The following SNAP91 variants were observed in gnomAD, a reference collection of about 807,000 sequenced individuals.
SNAP91 encodes clathrin coat assembly protein AP180.
In SNAP91, 27 loss-of-function variants were observed where a neutral mutation model predicts 100.3. The observed-to-expected ratio is 0.27, with a 90% CI of 0.20 to 0.37. The LOEUF (loss-of-function observed/expected upper bound fraction) is 0.37, where lower values mean the gene tolerates loss of function less well. Among genes scored for constraint, SNAP91 ranks in the 10% least tolerant of loss-of-function variants. The pLI, the probability that SNAP91 is intolerant of heterozygous loss-of-function variation, is 1.00. For missense variants in SNAP91, 986 were observed against 1,123.7 expected, an observed-to-expected ratio of 0.88 and a Z score of 1.75; for synonymous variants, 404 against 398.6, an observed-to-expected ratio of 1.01 and a Z score of -0.16.
intron 3 of SNAP91, among the ~76,000 whole-genome samples, 196 bp downstream of exon 3, chr6:83,665,243 A>T (rs1199492828): frequency 6.6e-6 from 1 of 151,966 alleles, no homozygotes; most frequent in African/African-American, 2.4e-5. Flanking sequence ...TCTCTAAGAC[A>T]ATGTCTAACT....
At chr6:83,699,900 C>CT (rs1435048366) in intron 2 of SNAP91, among the ~76,000 whole-genome samples, 1 of 152,082 alleles carries the variant, frequency 6.6e-6, no homozygotes, top group Non-Finnish European at 1.5e-5. Context: ...ATTCTAGAAT[C>CT]TTATATACAG....
At chr6:83,656,974 A>C (rs758889824) in intron 6 of SNAP91, 109 bp from the exon 7 acceptor site, 7 of 595,236 alleles carry the variant, frequency 1.2e-5, no homozygotes, top group African/African-American at 1.9e-5. Flanking sequence ...TGAATATTCT[A>C]CAAACATTGG....
chr6:83,590,767 T>A (rs1162036201), intron 22 of SNAP91, among the ~76,000 whole-genome samples: 1 of 152,036 alleles, frequency 6.6e-6, no homozygotes, highest in South Asian at 2.1e-4. Context: ...TTTAAATAAT[T>A]TAAAGGAAAC....
intron 24 of SNAP91, among the ~76,000 whole-genome samples, chr6:83,577,647 G>C (rs1039342660): frequency 1.3e-5 from 2 of 152,156 alleles, no homozygotes; most frequent in East Asian, 3.9e-4. Context: ...AAAGGGAAGA[G>C]AGGAAACTGT....
intron 26 of SNAP91, among the ~76,000 whole-genome samples, chr6:83,574,730 T>C (rs80317016): frequency 0.011 from 1,707 of 152,308 alleles, 31 homozygotes; most frequent in African/African-American, 0.038. Flanking sequence ...TATAAAGTCA[T>C]TGGAATCTGC....
intron 8 of SNAP91, among the ~76,000 whole-genome samples, chr6:83,628,245 A>G (rs1302635991): frequency 1.4e-5 from 2 of 138,072 alleles, no homozygotes; most frequent in Non-Finnish European, 3.2e-5. Flanking sequence ...ATATATATAT[A>G]TCACAGTTTA....
intron 2 of SNAP91, among the ~76,000 whole-genome samples, chr6:83,687,849 A>G (rs1764327887): frequency 6.6e-6 from 1 of 152,168 alleles, no homozygotes; most frequent in Non-Finnish European, 1.5e-5. Context: ...TGACTGAAGG[A>G]AATGGGGGTA....
At chr6:83,656,311 A>C (rs2098403496) in intron 7 of SNAP91, among the ~76,000 whole-genome samples, 1 of 152,186 alleles carries the variant, frequency 6.6e-6, no homozygotes, top group Non-Finnish European at 1.5e-5. Context: ...AGAGAACTCT[A>C]TAGGAAGTGG....
At chr6:83,558,139 T>C (rs1781552283) in intron 28 of SNAP91, among the ~76,000 whole-genome samples, 3 of 152,238 alleles carry the variant, frequency 2.0e-5, no homozygotes, top group African/African-American at 7.2e-5. Flanking sequence ...CTGCCTTAAG[T>C]AATAAAATTA....
In SNAP91 at chr6:83,580,524, G is replaced by A. The variant is rs1582128113; in HGVS notation, c.2225C>T (p.Pro742Leu). ...GCTGGCTGCCATTGCAGGACTGGGT[G>A]GTACCATTGAGACAGGTGCAGGCTG... is the stretch of plus-strand genomic sequence containing the variant. ...AGQPAPVSMV[P>L]PSPAMAASKA... Residue 742 changes from proline to leucine, a missense_variant, in exon 24 of 30, where the codon CCA (proline) becomes CTA (leucine). By Grantham distance (98) the Pro-to-Leu change is moderately conservative (BLOSUM62 -3). This residue lies in a region of SNAP91 where 575 missense variants were observed against 579.9 expected (regional missense o/e 0.99). Transcript: ENST00000369694. The A allele has an allele frequency of 3.1e-6, 5 of 1,613,804 alleles. No homozygotes were observed. In the East Asian group the frequency reaches 6.7e-5, roughly 22 times the overall value.
At chr6:83,599,948 C>T (rs939413604) in intron 16 of SNAP91, among the ~76,000 whole-genome samples, 5 of 152,198 alleles carry the variant, frequency 3.3e-5, no homozygotes, top group Admixed American at 3.3e-4. Context: ...CCACAACTGG[C>T]TAGCTTTTAA....
intron 2 of SNAP91, among the ~76,000 whole-genome samples, chr6:83,706,510 G>A (rs1040937137): frequency 1.3e-5 from 2 of 152,178 alleles, no homozygotes; most frequent in Non-Finnish European, 2.9e-5. Context: ...TTTCCCCTCC[G>A]ATGAGCTTCT....
intron 14 of SNAP91, among the ~76,000 whole-genome samples, chr6:83,602,750 A>G (rs545036560): frequency 1.3e-5 from 2 of 152,210 alleles, no homozygotes; most frequent in African/African-American, 4.8e-5. Flanking sequence ...GCAGTTGTAG[A>G]TGTTTTGTTG....
intron 2 of SNAP91, among the ~76,000 whole-genome samples, chr6:83,702,368 A>G (rs1329514199): frequency 6.6e-6 from 1 of 152,176 alleles, no homozygotes; most frequent in African/African-American, 2.4e-5. Context: ...GCATCAGTCA[A>G]TTGAAGGGAG....
At chr6:83,680,013 T>C (rs2098965159) in intron 2 of SNAP91, among the ~76,000 whole-genome samples, 1 of 152,124 alleles carries the variant, frequency 6.6e-6, no homozygotes, top group African/African-American at 2.4e-5. Flanking sequence ...TAACAGCTCT[T>C]TATAAGGACA....
At chr6:83,708,097 C>T (rs1025923911) in intron 1 of SNAP91, 140 bp from the exon 2 acceptor site, 1 of 692,988 alleles carries the variant, frequency 1.4e-6, no homozygotes, top group African/African-American at 1.9e-5. Context: ...GAGCCAGCAA[C>T]GCGCCAAGCC....
intron 26 of SNAP91, among the ~76,000 whole-genome samples, chr6:83,568,280 G>A (rs1371732117): frequency 6.6e-6 from 1 of 151,996 alleles, no homozygotes; most frequent in Non-Finnish European, 1.5e-5. Context: ...TCACTCATAG[G>A]TGGGAATTGA....
chr6:83,634,266 G>C (rs2097338874), intron 8 of SNAP91, among the ~76,000 whole-genome samples: 1 of 152,012 alleles, frequency 6.6e-6, no homozygotes, highest in African/African-American at 2.4e-5. Context: ...TTTTTTCACT[G>C]CTTCTTCTAT....
intron 17 of SNAP91, 83 bp from the exon 18 acceptor site, chr6:83,593,824 C>A (rs2094136024): frequency 2.0e-6 from 3 of 1,493,782 alleles, no homozygotes; most frequent in Admixed American, 2.3e-5. Context: ...GCAAGAGACA[C>A]CTTATACAGA....
Sources: allele counts gnomAD v4.1 joint callset (sites outside exome capture counted in the v4.1 genomes callset), GRCh38; gene constraint gnomAD v4.1.1; regional missense constraint gnomAD v4.1.1; transcripts MANE v1.5; gene names NCBI Gene and HGNC (gene_info 2026-07-23, HGNC 2026-07-21).